Variants in EIF2AK1 observed in about 807,000 individuals in gnomAD.
The protein encoded by EIF2AK1 is eukaryotic translation initiation factor 2 alpha kinase 1, also known as eukaryotic translation initiation factor 2-alpha kinase 1.
In EIF2AK1, 54 loss-of-function variants were observed where a neutral mutation model predicts 77.9. The observed-to-expected ratio is 0.69, with a 90% CI of 0.56 to 0.87. EIF2AK1 has a LOEUF of 0.87. Among genes scored for constraint, EIF2AK1 ranks in the 40% least tolerant of loss-of-function variants. The pLI, the probability that EIF2AK1 is intolerant of heterozygous loss-of-function variation, is 0.00. For synonymous variants in EIF2AK1, 314 were observed against 290.5 expected, an observed-to-expected ratio of 1.08 and a Z score of -0.82; for missense variants, 810 against 768.6, an observed-to-expected ratio of 1.05 and a Z score of -0.64.
At chr7:6,054,431 G>A (rs1350362619) in intron 2 of EIF2AK1, 115 bp downstream of exon 2, 9 of 1,117,462 alleles carry the variant, frequency 8.1e-6, no homozygotes, top group South Asian at 3.2e-5. Flanking sequence ...CTCGATCTCC[G>A]GACCTCGGGT....
Position 6,032,711 on chromosome 7 carries a change from C to T in EIF2AK1, c.1333-3679G>A, listed in dbSNP as rs1363268101. ...TAGTAGAAAGGAAACTTTCAATGCA[C>T]ATACCAGAAAAAGAGTGAGCCAATG... On this transcript the variant is annotated intron_variant, in intron 11 of 14. Coordinates refer to ENST00000199389, the MANE Select transcript of EIF2AK1 (RefSeq NM_014413.4). The surrounding 1 kb of genome is among the most constrained non-coding windows in gnomAD (Gnocchi z 4.3). The T allele has an allele frequency of 1.4e-5, 9 of 656,612 alleles. No homozygotes were observed. The East Asian group carries it at 2.4e-4, about 18-fold the overall frequency. The allele number at this position is 656,612 out of a possible 1,614,324, so 40.7% of individuals were successfully genotyped here. A position where few individuals can be genotyped will look rare whatever the true frequency, so the allele number is the denominator to read the frequency against.
In EIF2AK1 at chr7:6,023,930, A is replaced by C; in HGVS notation, c.*743T>G. ...AGACCCTTTCTGGGATTCAAAAACC[A>C]ATTCATCAGATCGCTGCCTCTGAGG... On this transcript the variant is annotated 3_prime_UTR_variant, in exon 15 of 15. Coordinates refer to ENST00000199389, the MANE Select transcript of EIF2AK1 (RefSeq NM_014413.4). The C allele has an allele frequency of 6.9e-7, 1 of 1,457,538 alleles. No homozygotes were observed. The highest frequency in any genetic ancestry group is 2.1e-5 in the Admixed American group (1 of 48,422). 90.3% of individuals were successfully genotyped at this position (1,457,538 alleles called of 1,614,324 possible).
In EIF2AK1 at chr7:6,035,443, G is replaced by C; in HGVS notation, c.1332+1981C>G. The C allele has an allele frequency of 6.5e-7, 1 of 1,548,546 alleles. No homozygotes were observed. The highest frequency in any genetic ancestry group is 8.7e-7 in the Non-Finnish European group (1 of 1,145,318). On this transcript the variant is annotated intron_variant, in intron 11 of 14. Transcript: ENST00000199389. The surrounding 1 kb of genome is among the most constrained non-coding windows in gnomAD (Gnocchi z 5.5). ...TAACGTGTAATCAATACCCATTCTA[G>C]GGACACGACAGGCCTCACCACACTC...
At chr7:6,029,719 A>G (rs562852025) in intron 11 of EIF2AK1, among the ~76,000 whole-genome samples, 13 of 152,232 alleles carry the variant, frequency 8.5e-5, no homozygotes, top group African/African-American at 2.9e-4. Flanking sequence ...ACGGTGGCTC[A>G]CACCTGTAAT....
At chr7:6,029,506 A>AC (rs776423809) in intron 11 of EIF2AK1, among the ~76,000 whole-genome samples, 7 of 151,530 alleles carry the variant, frequency 4.6e-5, no homozygotes, top group East Asian at 2.0e-4. Flanking sequence ...AAAAAAAAAA[A>AC]CCTCAACATT....
rs990046515 is a variant in EIF2AK1 at position 6,027,463 on chromosome 7, G to C, written c.1531-502C>G. ...GGTCTTCACTAAACAAGATTTTAGGGGCAGCCATCATTTTTTCTGACAGCT... is the reference window on the plus strand; with the variant it reads ...GGTCTTCACTAAACAAGATTTTAGGCGCAGCCATCATTTTTTCTGACAGCT... On this transcript the variant is annotated intron_variant, in intron 13 of 14. Coordinates refer to ENST00000199389, the MANE Select transcript of EIF2AK1 (RefSeq NM_014413.4). The surrounding 1 kb of genome is among the most constrained non-coding windows in gnomAD (Gnocchi z 4.5). 6.6e-6 allele frequency among the ~76,000 whole-genome samples: 1 copy of C among 152,028 alleles called. No homozygotes were observed. The highest frequency in any genetic ancestry group is 1.5e-5 in the Non-Finnish European group (1 of 68,024).
chr7:6,024,649 C>G lies in EIF2AK1; in HGVS notation c.*24G>C, dbSNP rs1787685563. 2 of 1,613,632 alleles carry G rather than the reference C, an allele frequency of 1.2e-6. No individual in the cohort carries two copies. Among genetic ancestry groups the G allele is most frequent in the East Asian group, 4.5e-5 (2 of 44,834 alleles). Reference sequence around the variant, plus strand: ...GATTAAAAATTTACATTCCAGTTAACTACCTTAAAAGTTAAGTCCACTTTC... The same window carrying G: ...GATTAAAAATTTACATTCCAGTTAAGTACCTTAAAAGTTAAGTCCACTTTC... On this transcript the variant is annotated 3_prime_UTR_variant, in exon 15 of 15. Coordinates refer to ENST00000199389, the MANE Select transcript of EIF2AK1 (RefSeq NM_014413.4).
chr7:6,036,238 C>T lies in EIF2AK1; in HGVS notation c.1332+1186G>A, dbSNP rs185176943. The T allele has an allele frequency of 5.4e-4, 831 of 1,549,446 alleles. 2 individuals carry two copies. Among genetic ancestry groups the T allele is most frequent in the Non-Finnish European group, 6.9e-4 (792 of 1,146,728 alleles). On this transcript the variant is annotated intron_variant, in intron 11 of 14. Coordinates refer to ENST00000199389, the MANE Select transcript of EIF2AK1 (RefSeq NM_014413.4). The surrounding 1 kb of genome is among the most constrained non-coding windows in gnomAD (Gnocchi z 4.6). Reference sequence around the variant, plus strand: ...TTAAGGGACACCCTAATAAAGCAATCGCAAAAACCTTTATCCCTACAGGGT... The same window carrying T: ...TTAAGGGACACCCTAATAAAGCAATTGCAAAAACCTTTATCCCTACAGGGT...
In EIF2AK1 at chr7:6,050,059, A is replaced by C; in HGVS notation, c.278-14T>G. The C allele has an allele frequency of 6.3e-7, 1 of 1,587,332 alleles. No individual in the cohort carries two copies. Among genetic ancestry groups the C allele is most frequent in the Non-Finnish European group, 8.5e-7 (1 of 1,170,076 alleles). Reference sequence around the variant, plus strand: ...TCTGGCAAAGTACTATAAAAAGAATATGAAAAACTATTATTAGAAACATCT... The same window carrying C: ...TCTGGCAAAGTACTATAAAAAGAATCTGAAAAACTATTATTAGAAACATCT... On this transcript the variant is annotated splice_polypyrimidine_tract_variant and intron_variant, in intron 2 of 14. Transcript: ENST00000199389.
At chr7:6,043,949 A>T (rs916434609) in intron 7 of EIF2AK1, among the ~76,000 whole-genome samples, 4 of 151,522 alleles carry the variant, frequency 2.6e-5, no homozygotes, top group Non-Finnish European at 4.4e-5. Flanking sequence ...AAATACAAAA[A>T]TTAGCCAGGC....
intron 3 of EIF2AK1, among the ~76,000 whole-genome samples, chr7:6,049,202 T>A (rs914986841): frequency 2.0e-5 from 3 of 151,908 alleles, no homozygotes; most frequent in African/African-American, 7.3e-5. Flanking sequence ...TAAGTCAGAT[T>A]GTGTCACTCC....
intron 11 of EIF2AK1, 83 bp from the exon 12 acceptor site, chr7:6,029,115 A>G: frequency 8.6e-7 from 1 of 1,169,060 alleles, no homozygotes; most frequent in Non-Finnish European, 1.2e-6. Context: ...AGTGTTTGGA[A>G]CTCAGGAGCA....
chr7:6,056,552 C>A (rs374214757), intron 1 of EIF2AK1, among the ~76,000 whole-genome samples: 16 of 140,178 alleles, frequency 1.1e-4, no homozygotes, highest in Non-Finnish European at 2.3e-4. Context: ...CGAGATCGCG[C>A]GACTGCACTC....
chr7:6,029,080 T>G, intron 11 of EIF2AK1, 48 bp from the exon 12 acceptor site: 1 of 1,402,604 alleles, frequency 7.1e-7, no homozygotes, highest in Non-Finnish European at 1.0e-6. Context: ...TTAAAACAAA[T>G]AGTAATATCT....
chr7:6,035,624 C>G lies in EIF2AK1; in HGVS notation c.1332+1800G>C, dbSNP rs1300398409. ...CTCAAGTGAACACTCAAGGGGAAATCAGCAACAAACGTTCACCACTCCACC... is the reference window on the plus strand; with the variant it reads ...CTCAAGTGAACACTCAAGGGGAAATGAGCAACAAACGTTCACCACTCCACC... On this transcript the variant is annotated intron_variant, in intron 11 of 14. Transcript: ENST00000199389. The surrounding 1 kb of genome is among the most constrained non-coding windows in gnomAD (Gnocchi z 5.5). The G allele has an allele frequency of 1.3e-6, 2 of 1,550,846 alleles. No individual in the cohort carries two copies. Among genetic ancestry groups the G allele is most frequent in the South Asian group, 1.2e-5 (1 of 84,064 alleles).
In EIF2AK1 at chr7:6,035,874, A is replaced by T. The variant is rs1788065702; in HGVS notation, c.1332+1550T>A. 1 of 1,547,456 alleles carries T rather than the reference A, an allele frequency of 6.5e-7. No individual in the cohort carries two copies. The highest frequency in any genetic ancestry group is 8.7e-7 in the Non-Finnish European group (1 of 1,144,828). On this transcript the variant is annotated intron_variant, in intron 11 of 14. Coordinates refer to ENST00000199389, the MANE Select transcript of EIF2AK1 (RefSeq NM_014413.4). The surrounding 1 kb of genome is among the most constrained non-coding windows in gnomAD (Gnocchi z 5.5). ...GCTTGCAGTGTGCACTGCATCAAGCAAAGCAGGCCGACTCCTCGGGGCGGG... is the reference window on the plus strand; with the variant it reads ...GCTTGCAGTGTGCACTGCATCAAGCTAAGCAGGCCGACTCCTCGGGGCGGG...
chr7:6,050,563 G>C (rs1562757380), intron 2 of EIF2AK1, among the ~76,000 whole-genome samples: 1 of 150,002 alleles, frequency 6.7e-6, no homozygotes, highest in Non-Finnish European at 1.5e-5. Flanking sequence ...GGAACAACTA[G>C]TACACTCATT....
chr7:6,032,071 G>A lies in EIF2AK1; in HGVS notation c.1333-3039C>T, dbSNP rs545645579. Among the ~76,000 whole-genome samples the A allele has an allele frequency of 8.0e-4, 122 of 152,258 alleles. 1 individual carries two copies. The highest frequency in any genetic ancestry group is 2.8e-3 in the African/African-American group (116 of 41,540). On this transcript the variant is annotated intron_variant, in intron 11 of 14. Coordinates refer to ENST00000199389, the MANE Select transcript of EIF2AK1 (RefSeq NM_014413.4). The surrounding 1 kb of genome is among the most constrained non-coding windows in gnomAD (Gnocchi z 4.3). ...AGCCTGTAATCTCAGCTACTCGGAC[G>A]GCTGAGGCAGGAGAATTGCTTGAAC...
At position 6,024,077 on chromosome 7, in the gene EIF2AK1, A is replaced by G. The variant is rs1287234379; in HGVS notation, c.*596T>C. Reference sequence around the variant, plus strand: ...GGAGATCATCTGGGGTGCGGAGTACAAAGCTTTGCAAGGGTGTGGTTTTGG... The same window carrying G: ...GGAGATCATCTGGGGTGCGGAGTACGAAGCTTTGCAAGGGTGTGGTTTTGG... On this transcript the variant is annotated 3_prime_UTR_variant, in exon 15 of 15. Transcript: ENST00000199389. 5 of 1,302,446 alleles carry G rather than the reference A, an allele frequency of 3.8e-6. No homozygotes were observed. In the Admixed American group the frequency reaches 1.1e-4, roughly 30 times the overall value. 80.7% of individuals were successfully genotyped at this position (1,302,446 alleles called of 1,614,324 possible). A position where few individuals can be genotyped will look rare whatever the true frequency, so the allele number is the denominator to read the frequency against.
Sources: gnomAD v4.1 joint callset for allele counts (sites outside exome capture counted in the v4.1 genomes callset) on GRCh38, gnomAD v4.1.1 for gene constraint, Gnocchi (gnomAD v3.1) non-coding constraint, MANE v1.5 for transcripts, NCBI Gene and HGNC (gene_info 2026-07-23, HGNC 2026-07-21) for gene names.